Variants in CACNA1H observed in about 807,000 individuals in gnomAD.
CACNA1H encodes calcium voltage-gated channel subunit alpha1 H.
A neutral mutation model predicts 192.5 loss-of-function variants in CACNA1H; 149 were observed. The ratio of observed to expected loss-of-function variants is 0.77; its 90% CI spans 0.68 to 0.89. CACNA1H has a LOEUF of 0.89. Ranked by LOEUF, CACNA1H falls within the 40% of genes least tolerant of loss-of-function variation. CACNA1H has a pLI of 0.00. For synonymous variants in CACNA1H, 2,202 were observed against 1,475.2 expected (o/e 1.49, Z -11.29); for missense variants, 4,257 against 3,423.5 (o/e 1.24, Z -6.08).
chr16:1,177,461 G>A (rs1263924380), intron 2 of CACNA1H, among the ~76,000 whole-genome samples: 2 of 152,206 alleles, frequency 1.3e-5, no homozygotes, highest in Non-Finnish European at 1.5e-5. Context: ...CACAGCTAGC[G>A]GCTCACGGTC....
chr16:1,213,693 G>C, intron 26 of CACNA1H, 87 bp from the exon 27 acceptor site: 1 of 1,051,440 alleles, frequency 9.5e-7, no homozygotes, highest in Non-Finnish European at 1.3e-6. Flanking sequence ...CCCTACACTT[G>C]GCCACCTAGG....
At position 1,210,398 on chromosome 16, in the gene CACNA1H, A is replaced by T; in HGVS notation, c.3874A>T (p.Thr1292Ser). The change falls in exon 19 of 35, where the codon ACA becomes TCA. Residue 1292 changes from threonine (T) to serine (S), a missense_variant. Transcript: ENST00000348261. ...CCGCGTCTCCTGCCAGAAGGTCATCACACACAAGATGTTTGATCACGTGGT... is the reference window on the plus strand; with the variant it reads ...CCGCGTCTCCTGCCAGAAGGTCATCTCACACAAGATGTTTGATCACGTGGT... ...RFRVSCQKVI[T>S]HKMFDHVVLV... 6.3e-7 allele frequency: 1 copy of T among 1,580,936 alleles called. No homozygotes were observed. The highest frequency in any genetic ancestry group is 8.5e-7 in the Non-Finnish European group (1 of 1,171,510).
chr16:1,180,576 G>A lies in CACNA1H; in HGVS notation c.300-14396G>A, dbSNP rs899019731. Among the ~76,000 whole-genome samples the A allele has an allele frequency of 6.6e-6, 1 of 152,148 alleles. No individual in the cohort carries two copies. The highest frequency in any genetic ancestry group is 2.4e-5 in the African/African-American group (1 of 41,434). ...GGGCTGCAGTCACAGCCAGGCCGTG[G>A]GGGGGCCAGGGAGGAGGGGCTGCTC... On this transcript the variant is annotated intron_variant, in intron 2 of 34. Coordinates refer to ENST00000348261, the MANE Select transcript of CACNA1H (RefSeq NM_021098.3). This position sits in a 1 kb window ranked among gnomAD's most constrained non-coding sequence, Gnocchi z 4.4.
intron 2 of CACNA1H, chr16:1,160,269 AGTGGCTCAT>A (rs1963017150): frequency 6.6e-6 from 1 of 152,248 alleles, no homozygotes; most frequent in African/African-American, 2.4e-5. Flanking sequence ...GTCTCTCCTC[AGTGGCTCAT>A]GTTGGCGTAA....
At position 1,153,172 on chromosome 16, in the gene CACNA1H, G is replaced by GCCCGCGC. The variant is rs1319650851; in HGVS notation, c.-291_-285dup. ...TCGCTCGCTGCCTCACCGGTCCCCG[G>GCCCGCGC]CCCGCGCCCCGCGCCCCGCGCCCCG... On this transcript the variant is annotated 5_prime_UTR_variant, in exon 1 of 35. Transcript: ENST00000348261. The GCCCGCGC allele has an allele frequency of 0.011, 1,630 of 144,122 alleles. 17 individuals are homozygous for GCCCGCGC. Among genetic ancestry groups the GCCCGCGC allele is most frequent in the Admixed American group, 0.018 (268 of 14,598 alleles). The allele number at this position is 144,122 out of a possible 1,614,324, so 8.9% of individuals were successfully genotyped here. A position where few individuals can be genotyped will look rare whatever the true frequency, so the allele number is the denominator to read the frequency against.
Position 1,210,567 on chromosome 16 carries a change from CG to C in CACNA1H, c.3970-15del. Reference sequence around the variant, plus strand: ...GGGTGGAGTGGACACAGCCCCCCACCGTCCTCTCCCGGCAGGAGCGGGTCTT... The same window carrying C: ...GGGTGGAGTGGACACAGCCCCCCACCTCCTCTCCCGGCAGGAGCGGGTCTT... On this transcript the variant is annotated splice_polypyrimidine_tract_variant and intron_variant, in intron 19 of 34. Coordinates refer to ENST00000348261, the MANE Select transcript of CACNA1H (RefSeq NM_021098.3). The C allele has an allele frequency of 6.2e-7, 1 of 1,609,812 alleles. No individual in the cohort carries two copies. Among genetic ancestry groups the C allele is most frequent in the Admixed American group, 1.7e-5 (1 of 59,998 alleles).
Position 1,179,084 on chromosome 16 carries a change from G to A in CACNA1H, c.300-15888G>A, listed in dbSNP as rs531695415. Among the ~76,000 whole-genome samples, 194 of 152,274 alleles carry A rather than the reference G, an allele frequency of 1.3e-3. 1 individual carries two copies. Among genetic ancestry groups the A allele is most frequent in the African/African-American group, 4.5e-3 (187 of 41,568 alleles). Reference sequence around the variant, plus strand: ...GACACCAGGCTGTGGCGGGTGTAGGGTTCAGCCCTCCCTGCACACTGTTAC... The same window carrying A: ...GACACCAGGCTGTGGCGGGTGTAGGATTCAGCCCTCCCTGCACACTGTTAC... On this transcript the variant is annotated intron_variant, in intron 2 of 34. Transcript: ENST00000348261.
intron 6 of CACNA1H, among the ~76,000 whole-genome samples, chr16:1,200,006 AGT>A (rs1408435762): frequency 4.0e-5 from 6 of 151,528 alleles, no homozygotes; most frequent in East Asian, 1.9e-4. Flanking sequence ...GGCTGAGGAG[AGT>A]GTGGTTTCTG....
intron 2 of CACNA1H, among the ~76,000 whole-genome samples, chr16:1,168,965 G>A (rs1246912183): frequency 2.6e-5 from 4 of 152,158 alleles, no homozygotes; most frequent in African/African-American, 9.7e-5. Context: ...CCTGGGGTGA[G>A]TCTGCCCACA....
chr16:1,168,192 A>AT (rs1491163450), intron 2 of CACNA1H, among the ~76,000 whole-genome samples: 6 of 149,090 alleles, frequency 4.0e-5, no homozygotes, highest in South Asian at 4.2e-4. Flanking sequence ...TTGATGTGGG[A>AT]TCCCCCCCCC....
intron 8 of CACNA1H, 90 bp from the exon 9 acceptor site, chr16:1,201,573 C>T: frequency 7.0e-7 from 1 of 1,433,004 alleles, no homozygotes; most frequent in Non-Finnish European, 9.4e-7. Context: ...TGACGCGGCC[C>T]CCACTCGAAC....
rs979894941 is a variant in CACNA1H, at chr16:1,202,013, C to CCAT, written c.1566_1568dup (p.His528dup). The CCAT allele has an allele frequency of 1.2e-5, 18 of 1,538,042 alleles. No homozygotes were observed. Among genetic ancestry groups the CCAT allele is most frequent in the African/African-American group, 2.7e-5 (2 of 72,942 alleles). The stretch of plus-strand genomic sequence containing the variant: ...CGGTGCACCACCTGGTCTACCACCA[C>CCAT]CATCACCACCACCACCACCACTACC... On this transcript the variant is annotated inframe_insertion, in exon 9 of 35. Coordinates refer to ENST00000348261, the MANE Select transcript of CACNA1H (RefSeq NM_021098.3).
chr16:1,182,593 G>A (rs1028448412), intron 2 of CACNA1H, among the ~76,000 whole-genome samples: 3 of 152,158 alleles, frequency 2.0e-5, no homozygotes, highest in Admixed American at 6.5e-5. Context: ...GGCTGGCTCC[G>A]GCCACGTTCC....
rs1490386054 is a variant in CACNA1H at position 1,218,299 on chromosome 16, G to A, written c.5535G>A (p.Leu1845=). The part of the protein sequence containing the change: ...LSPVYFVTFV[L]VAQFVLVNVV... ...CCGTCTACTTCGTGACCTTCGTGCT[G>A]GTGGCCCAGTTCGTGCTGGTGAACG... Residue 1845 remains leucine (L), a synonymous_variant, in exon 33 of 35, where the codon CTG becomes CTA. Transcript: ENST00000348261. The A allele has an allele frequency of 6.4e-7, 1 of 1,554,626 alleles. No individual in the cohort carries two copies. The highest frequency in any genetic ancestry group is 1.4e-5 in the African/African-American group (1 of 73,320).
chr16:1,184,188 C>T (rs530913320), intron 2 of CACNA1H, among the ~76,000 whole-genome samples: 1 of 152,360 alleles, frequency 6.6e-6, no homozygotes, highest in African/African-American at 2.4e-5. Context: ...TGGTCAGGCC[C>T]AGCCTGCCGC....
intron 2 of CACNA1H, among the ~76,000 whole-genome samples, chr16:1,185,320 C>T (rs1400127800): frequency 6.6e-6 from 1 of 152,208 alleles, no homozygotes; most frequent in Non-Finnish European, 1.5e-5. Context: ...CACGTGTGGG[C>T]CCGTCTGTCG....
chr16:1,162,976 G>T (rs2151660313), intron 2 of CACNA1H, among the ~76,000 whole-genome samples: 1 of 152,366 alleles, frequency 6.6e-6, no homozygotes, highest in Admixed American at 6.5e-5. Context: ...GCTATCCTTG[G>T]CTCCAGCCTC....
chr16:1,209,964 G>A, intron 17 of CACNA1H, 71 bp from the exon 18 acceptor site: 2 of 1,176,854 alleles, frequency 1.7e-6, no homozygotes, highest in African/African-American at 1.5e-5. Flanking sequence ...GCCGAGCTGA[G>A]CACAGAGGGC....
rs374363044 is a variant in CACNA1H, at chr16:1,201,766, G to A, written c.1316G>A (p.Arg439His). The change falls in exon 9 of 35, where the codon CGC (arginine) becomes CAC (histidine). Residue 439 changes from arginine to histidine, a missense_variant. Arg to His is a conservative substitution (Grantham distance 29). Coordinates refer to ENST00000348261, the MANE Select transcript of CACNA1H (RefSeq NM_021098.3). ...ESQLMREQRA[R>H]HLSNDSTLAS... ...CAGCTGATGCGGGAGCAGCGGGCAC[G>A]CCACCTGTCCAACGACAGCACGCTG... 1.2e-4 allele frequency: 186 copies of A among 1,606,878 alleles called. No homozygotes were observed. The highest frequency in any genetic ancestry group is 2.1e-4 in the African/African-American group (16 of 74,926).
Sources: gnomAD v4.1 joint callset for allele counts (sites outside exome capture counted in the v4.1 genomes callset) on GRCh38, gnomAD v4.1.1 for gene constraint, Gnocchi (gnomAD v3.1) non-coding constraint, MANE v1.5 for transcripts, NCBI Gene and HGNC (gene_info 2026-07-23, HGNC 2026-07-21) for gene names.